Variants in SYCP2 observed in about 807,000 individuals in gnomAD.
SYCP2 encodes synaptonemal complex protein 2, also known as synaptonemal complex lateral element protein.
Under a neutral mutation model 211.3 loss-of-function variants are expected in SYCP2, and 55 were observed. That is an observed-to-expected ratio of 0.26 (90% CI 0.21 to 0.33). The LOEUF (loss-of-function observed/expected upper bound fraction) is 0.33. SYCP2 is among the 10% of genes least tolerant of loss of function. The pLI is 1.00. For missense variants in SYCP2, 1,731 were observed against 1,752.0 expected (o/e 0.99, Z 0.21); for synonymous variants, 570 against 555.2 (o/e 1.03, Z -0.37).
intron 33 of SYCP2, among the ~76,000 whole-genome samples, chr20:59,875,786 G>A (rs1020483491): frequency 6.6e-6 from 1 of 152,052 alleles, no homozygotes; most frequent in Non-Finnish European, 1.5e-5. Context: ...AGATACTAAG[G>A]AGTTTGTGAA....
chr20:59,891,911 A>G (rs2059914823), intron 24 of SYCP2, 79 bp downstream of exon 24: 2 of 1,243,980 alleles, frequency 1.6e-6, no homozygotes, highest in Non-Finnish European at 2.2e-6. Context: ...TGTAGCAATT[A>G]ATCAAGTTTC....
chr20:59,896,901 T>C (rs2060019960), intron 18 of SYCP2, among the ~76,000 whole-genome samples: 1 of 152,340 alleles, frequency 6.6e-6, no homozygotes, highest in East Asian at 1.9e-4. Context: ...ATTACATATT[T>C]ATATGAAATT....
intron 33 of SYCP2, 54 bp from the exon 34 acceptor site, chr20:59,875,523 G>A (rs1477000057): frequency 7.4e-7 from 1 of 1,343,948 alleles, no homozygotes; most frequent in Non-Finnish European, 1.0e-6. Context: ...TTTACACTTG[G>A]ACACATAAAA....
chr20:59,916,673 C>T (rs1264877176), intron 7 of SYCP2, 102 bp from the exon 8 acceptor site: 1 of 757,836 alleles, frequency 1.3e-6, no homozygotes, highest in Non-Finnish European at 2.2e-6. Context: ...GGCATGGTAA[C>T]TCAGGCCTAT....
intron 18 of SYCP2, among the ~76,000 whole-genome samples, chr20:59,899,081 G>GT (rs977844941): frequency 1.1e-4 from 16 of 152,220 alleles, no homozygotes; most frequent in African/African-American, 3.6e-4. Context: ...GATTTTTCAG[G>GT]TATCTCATAG....
In SYCP2 at chr20:59,865,604, G is replaced by C; in HGVS notation, c.4427C>G (p.Thr1476Ser). 6.2e-7 allele frequency: 1 copy of C among 1,605,204 alleles called. No individual in the cohort carries two copies. Among genetic ancestry groups the C allele is most frequent in the South Asian group, 1.1e-5 (1 of 89,302 alleles). ...TGTAAAAACAGTTTCTTCACTATCAGTATTACAGAAGACACTTTTAGCCAA... is the reference window on the plus strand; with the variant it reads ...TGTAAAAACAGTTTCTTCACTATCACTATTACAGAAGACACTTTTAGCCAA... The part of the protein sequence containing the change: ...TSLAKSVFCN[T>S]DSEETVFTSE... Residue 1476 changes from threonine (T) to serine (S), a missense_variant, in exon 43 of 45, where the codon ACT (threonine) becomes AGT (serine). Around this residue, in one of 3 missense-constraint regions of SYCP2, gnomAD observed 1,387 missense variants for 1,351.3 expected, o/e 1.03. Transcript: ENST00000357552.
At chr20:59,916,848 G>A (rs41276968) in intron 7 of SYCP2, among the ~76,000 whole-genome samples, 8,233 of 152,220 alleles carry the variant, frequency 0.054, 295 homozygotes, top group East Asian at 0.15. Flanking sequence ...GAGCCCAGGA[G>A]GTCAAAGCTG....
chr20:59,914,084 T>C, intron 11 of SYCP2, 25 bp downstream of exon 11: 1 of 1,579,556 alleles, frequency 6.3e-7, no homozygotes, highest in Non-Finnish European at 8.6e-7. Flanking sequence ...AATTCACGAA[T>C]TTCTGTTATT....
intron 4 of SYCP2, 27 bp downstream of exon 4, chr20:59,921,283 A>G: frequency 1.3e-6 from 2 of 1,566,652 alleles, no homozygotes; most frequent in Non-Finnish European, 1.7e-6. Flanking sequence ...TAATTGTAAC[A>G]ATCATTCAGC....
At chr20:59,915,444 C>T (rs2060420757) in intron 9 of SYCP2, 21 bp downstream of exon 9, 1 of 1,462,612 alleles carries the variant, frequency 6.8e-7, no homozygotes, top group Non-Finnish European at 9.5e-7. Flanking sequence ...GAATAAAAAC[C>T]ATATAAGTAC....
intron 19 of SYCP2, 41 bp from the exon 20 acceptor site, chr20:59,895,638 C>T: frequency 6.2e-7 from 1 of 1,602,370 alleles, no homozygotes; most frequent in Non-Finnish European, 8.5e-7. Flanking sequence ...TCTTTTTTTA[C>T]CTATTGCTAT....
In SYCP2 at chr20:59,892,739, T is replaced by C. The variant is rs774469904; in HGVS notation, c.1794-38A>G. ...TTAATTTGCTTAATGTTACAAAACATTAGCCTGTGACTTTAAGACCTTGAT... is the reference window on the plus strand; with the variant it reads ...TTAATTTGCTTAATGTTACAAAACACTAGCCTGTGACTTTAAGACCTTGAT... On this transcript the variant is annotated intron_variant, in intron 22 of 44. Coordinates refer to ENST00000357552, the MANE Select transcript of SYCP2 (RefSeq NM_014258.4). 8 of 1,577,666 alleles carry C rather than the reference T, an allele frequency of 5.1e-6. No individual in the cohort carries two copies. In the South Asian group the frequency reaches 7.1e-5, roughly 14 times the overall value.
chr20:59,865,767 T>C, intron 42 of SYCP2, 40 bp downstream of exon 42: 1 of 1,171,734 alleles, frequency 8.5e-7, no homozygotes, highest in Non-Finnish European at 1.1e-6. Context: ...TTTAAAAATC[T>C]AATTTTATAG....
intron 15 of SYCP2, among the ~76,000 whole-genome samples, chr20:59,905,016 C>T (rs371829985): frequency 6.6e-6 from 1 of 152,108 alleles, no homozygotes; most frequent in African/African-American, 2.4e-5. Flanking sequence ...ATAAACTAAG[C>T]AAATATGTCT....
chr20:59,898,539 C>T (rs2060054446), intron 18 of SYCP2, among the ~76,000 whole-genome samples: 1 of 152,022 alleles, frequency 6.6e-6, no homozygotes, highest in Non-Finnish European at 1.5e-5. Context: ...GGGAGAAGAA[C>T]ATCACACACT....
intron 36 of SYCP2, 77 bp from the exon 37 acceptor site, chr20:59,869,002 C>G: frequency 1.0e-6 from 1 of 995,156 alleles, no homozygotes; most frequent in South Asian, 1.6e-5. Context: ...TTCTCAAACC[C>G]AAAAACCAAT....
chr20:59,890,645 T>C (rs1162685397), intron 24 of SYCP2, among the ~76,000 whole-genome samples: 3 of 151,834 alleles, frequency 2.0e-5, no homozygotes, highest in African/African-American at 7.3e-5. Flanking sequence ...AAATTCTAAA[T>C]AGGATACAGG....
intron 35 of SYCP2, among the ~76,000 whole-genome samples, chr20:59,871,608 G>A (rs1254053960): frequency 1.3e-5 from 2 of 151,832 alleles, no homozygotes; most frequent in South Asian, 2.1e-4. Context: ...GGGAAAATAA[G>A]AATGACAGAA....
chr20:59,865,926 G>T, intron 41 of SYCP2, 61 bp from the exon 42 acceptor site: 1 of 726,364 alleles, frequency 1.4e-6, no homozygotes, highest in South Asian at 2.8e-5. Flanking sequence ...ATAAAATCCA[G>T]TTAAACTTTA....
Sources: gnomAD v4.1 joint callset for allele counts (sites outside exome capture counted in the v4.1 genomes callset) on GRCh38, gnomAD v4.1.1 for gene constraint, gnomAD v4.1.1 regional missense constraint, MANE v1.5 for transcripts, NCBI Gene and HGNC (gene_info 2026-07-23, HGNC 2026-07-21) for gene names.